Variants in PAMR1 observed in about 807,000 individuals in gnomAD.
PAMR1 encodes inactive serine protease PAMR1.
A neutral mutation model predicts 81.8 loss-of-function variants in PAMR1; 88 were observed. That is an observed-to-expected ratio of 1.08 (90% CI 0.91 to 1.28). The LOEUF is 1.28. PAMR1 is among the 50% of genes most tolerant of loss of function. The probability of loss-of-function intolerance (pLI) is 0.00; values close to 1 mark genes in which losing one functional copy is unlikely to be tolerated. For synonymous variants in PAMR1, 336 were observed against 345.3 expected, an observed-to-expected ratio of 0.97 and a Z score of 0.30; for missense variants, 935 against 919.7, an observed-to-expected ratio of 1.02 and a Z score of -0.21.
chr11:35,465,037 C>T (rs1276462932), intron 6 of PAMR1, among the ~76,000 whole-genome samples: 2 of 152,194 alleles, frequency 1.3e-5, no homozygotes, highest in Non-Finnish European at 2.9e-5. Flanking sequence ...TCTGGAGTCT[C>T]ACCAAGACAT....
At chr11:35,513,551 G>T (rs778903957) in intron 1 of PAMR1, 1 of 152,176 alleles carries the variant, frequency 6.6e-6, no homozygotes, top group South Asian at 2.1e-4. Flanking sequence ...AGTGCTTTCC[G>T]TGTGTTTCTC....
rs542978288 is a variant in PAMR1, at chr11:35,482,860, G to A, written c.380-8116C>T. On this transcript the variant is annotated intron_variant, in intron 3 of 10. Coordinates refer to ENST00000619888, the MANE Select transcript of PAMR1 (RefSeq NM_001001991.3). ...TTGTCTATTGTTGATGTATAGGAAT[G>A]TTTGTGATTTTTGCTCATTGATTTG... 5.3e-5 allele frequency among the ~76,000 whole-genome samples: 8 copies of A among 152,192 alleles called. No individual in the cohort carries two copies. The South Asian group carries it at 1.2e-3, about 24-fold the overall frequency.
intron 3 of PAMR1, among the ~76,000 whole-genome samples, chr11:35,489,467 A>G (rs544844850): frequency 1.3e-5 from 2 of 152,196 alleles, no homozygotes; most frequent in South Asian, 4.2e-4. Context: ...TCGCACTCCT[A>G]ATGGCTACCT....
chr11:35,474,846 A>G, intron 3 of PAMR1, 102 bp from the exon 4 acceptor site: 1 of 711,704 alleles, frequency 1.4e-6, no homozygotes, highest in East Asian at 2.7e-5. Context: ...CACCCCTGAG[A>G]ACAGGATGAA....
chr11:35,471,876 A>G (rs1446949796), intron 4 of PAMR1, among the ~76,000 whole-genome samples: 1 of 152,192 alleles, frequency 6.6e-6, no homozygotes, highest in Non-Finnish European at 1.5e-5. Context: ...CACACTCTGG[A>G]GAAAAAATAG....
chr11:35,493,982 C>T (rs889462377), intron 2 of PAMR1, 114 bp downstream of exon 2: 36 of 770,932 alleles, frequency 4.7e-5, no homozygotes, highest in Middle Eastern at 3.3e-4. Context: ...TTTTCATAAT[C>T]ATGGCACCAC....
intron 1 of PAMR1, among the ~76,000 whole-genome samples, chr11:35,518,661 C>A (rs1851215527): frequency 6.6e-6 from 1 of 151,386 alleles, no homozygotes; most frequent in Non-Finnish European, 1.5e-5. Flanking sequence ...TTATACCATC[C>A]AGTGGAATTA....
At chr11:35,461,598 T>A (rs1856655628) in intron 6 of PAMR1, among the ~76,000 whole-genome samples, 1 of 148,606 alleles carries the variant, frequency 6.7e-6, no homozygotes, top group South Asian at 2.1e-4. Context: ...AAAGAAAACT[T>A]TTCCCCAAAA....
chr11:35,516,491 C>T (rs1851165662), intron 1 of PAMR1, among the ~76,000 whole-genome samples: 2 of 152,200 alleles, frequency 1.3e-5, no homozygotes, highest in African/African-American at 4.8e-5. Flanking sequence ...GATTTCATTC[C>T]TCATCCATTG....
chr11:35,478,835 CGTGTGTGTGTGT>C (rs111660645), intron 3 of PAMR1, among the ~76,000 whole-genome samples: 4 of 149,612 alleles, frequency 2.7e-5, no homozygotes, highest in African/African-American at 7.3e-5. Context: ...GGTGTGTGGG[CGTGTGTGTGTGT>C]GTGTGTGTGT....
chr11:35,477,867 C>T (rs1013778428), intron 3 of PAMR1, among the ~76,000 whole-genome samples: 1 of 152,160 alleles, frequency 6.6e-6, no homozygotes, highest in African/African-American at 2.4e-5. Flanking sequence ...TTGCCCGCTC[C>T]CTTTTTGAAA....
intron 6 of PAMR1, among the ~76,000 whole-genome samples, chr11:35,444,905 C>A (rs545100351): frequency 6.6e-6 from 1 of 152,294 alleles, no homozygotes; most frequent in South Asian, 2.1e-4. Flanking sequence ...ATGGGAATAT[C>A]ATTGAATCTA....
At chr11:35,466,216 A>G (rs557142189) in intron 6 of PAMR1, among the ~76,000 whole-genome samples, 1 of 152,314 alleles carries the variant, frequency 6.6e-6, no homozygotes, top group South Asian at 2.1e-4. Context: ...TGAAGCCAAG[A>G]GAATGCAACA....
intron 6 of PAMR1, among the ~76,000 whole-genome samples, chr11:35,462,838 T>G (rs534271805): frequency 6.6e-6 from 1 of 152,100 alleles, no homozygotes; most frequent in South Asian, 2.1e-4. Context: ...CAAACCAAGG[T>G]TTTTCTGGCC....
chr11:35,453,946 T>G (rs1002404691), intron 6 of PAMR1, among the ~76,000 whole-genome samples: 1 of 152,216 alleles, frequency 6.6e-6, no homozygotes, highest in South Asian at 2.1e-4. Context: ...TGCCCTTACA[T>G]GCTATTGCAT....
chr11:35,464,113 C>A (rs2135371024), intron 6 of PAMR1, among the ~76,000 whole-genome samples: 1 of 152,218 alleles, frequency 6.6e-6, no homozygotes, highest in African/African-American at 2.4e-5. Context: ...AGTTCAGCAT[C>A]TAAGAATTTA....
At chr11:35,441,385 G>T (rs1040565656) in intron 7 of PAMR1, 96 bp downstream of exon 7, 3 of 818,892 alleles carry the variant, frequency 3.7e-6, no homozygotes, top group African/African-American at 1.7e-5. Context: ...AAAGAGAAAG[G>T]CATTTTTCCA....
At chr11:35,521,972 GA>G (rs1326928972) in intron 1 of PAMR1, among the ~76,000 whole-genome samples, 1 of 151,884 alleles carries the variant, frequency 6.6e-6, no homozygotes. Context: ...GCCCAAGCTG[GA>G]GTGCAGTGGC....
In PAMR1 at chr11:35,476,416, T is replaced by C. The variant is rs144360876; in HGVS notation, c.380-1672A>G. Among the ~76,000 whole-genome samples, 755 of 152,220 alleles carry C rather than the reference T, an allele frequency of 5.0e-3. 6 individuals are homozygous for C. The highest frequency in any genetic ancestry group is 0.017 in the African/African-American group (722 of 41,544). On this transcript the variant is annotated intron_variant, in intron 3 of 10. Coordinates refer to ENST00000619888, the MANE Select transcript of PAMR1 (RefSeq NM_001001991.3). ...TTCATGCTGTTCTTGTGATAGTGAG[T>C]GAGTTTTCATGAGATCTGATGGTTT...
Sources: gnomAD v4.1 joint callset for allele counts (sites outside exome capture counted in the v4.1 genomes callset) on GRCh38, gnomAD v4.1.1 for gene constraint, MANE v1.5 for transcripts, NCBI Gene and HGNC (gene_info 2026-07-23, HGNC 2026-07-21) for gene names.